Variants in FAF1 observed in about 807,000 individuals in gnomAD.
FAF1 encodes the protein FAS-associated factor 1.
In FAF1, 25 loss-of-function variants were observed where a neutral mutation model predicts 92.5. The ratio of observed to expected loss-of-function variants is 0.27; its 90% CI spans 0.20 to 0.38. The LOEUF (loss-of-function observed/expected upper bound fraction) is 0.38. Among genes scored for constraint, FAF1 ranks in the 10% least tolerant of loss-of-function variants. The pLI is 1.00. For missense variants in FAF1, 636 were observed against 793.3 expected (o/e 0.80, Z 2.38); for synonymous variants, 234 against 273.2 (o/e 0.86, Z 1.42).
intron 8 of FAF1, among the ~76,000 whole-genome samples, chr1:50,654,971 CTT>C (rs569202434): frequency 1.9e-4 from 26 of 137,776 alleles, no homozygotes; most frequent in Non-Finnish European, 2.1e-4. Context: ...TTAGATATTT[CTT>C]TTTTTTTTTT....
chr1:50,522,560 A>G (rs1647557432), intron 15 of FAF1, among the ~76,000 whole-genome samples: 1 of 152,186 alleles, frequency 6.6e-6, no homozygotes, highest in South Asian at 2.1e-4. Flanking sequence ...GGAATTTAAT[A>G]CAGAGTAACA....
chr1:50,746,058 T>G (rs949258387), intron 4 of FAF1, among the ~76,000 whole-genome samples: 3 of 151,516 alleles, frequency 2.0e-5, no homozygotes, highest in Non-Finnish European at 2.9e-5. Context: ...TCACTTTTGT[T>G]ATGTGTTAGC....
intron 6 of FAF1, among the ~76,000 whole-genome samples, chr1:50,726,826 C>T (rs573423317): frequency 2.6e-5 from 4 of 152,166 alleles, no homozygotes; most frequent in African/African-American, 9.6e-5. Flanking sequence ...GAGACTCTGT[C>T]TCAAAAAAGA....
intron 15 of FAF1, 95 bp downstream of exon 15, chr1:50,535,274 T>G (rs946251200): frequency 2.4e-5 from 19 of 799,340 alleles, no homozygotes; most frequent in Non-Finnish European, 3.5e-5. Flanking sequence ...TCATCCTTAT[T>G]TATCGATCAT....
chr1:50,844,552 T>C (rs1644282093), intron 2 of FAF1, among the ~76,000 whole-genome samples: 1 of 150,878 alleles, frequency 6.6e-6, no homozygotes, highest in Non-Finnish European at 1.5e-5. Context: ...ATATCTAGTA[T>C]ACCGGAATCT....
At chr1:50,784,264 T>C (rs1413915175) in intron 4 of FAF1, among the ~76,000 whole-genome samples, 2 of 152,058 alleles carry the variant, frequency 1.3e-5, no homozygotes, top group South Asian at 2.1e-4. Flanking sequence ...GACAACATGA[T>C]ATTATATGTA....
intron 12 of FAF1, among the ~76,000 whole-genome samples, chr1:50,574,264 G>A (rs1005208577): frequency 5.3e-5 from 8 of 152,216 alleles, no homozygotes; most frequent in African/African-American, 1.9e-4. Context: ...GCCACCATGT[G>A]GCAAAAGTTT....
At chr1:50,725,825 T>G (rs1658625431) in intron 6 of FAF1, among the ~76,000 whole-genome samples, 1 of 152,178 alleles carries the variant, frequency 6.6e-6, no homozygotes, top group African/African-American at 2.4e-5. Context: ...TACCCTGAAT[T>G]TACTCCTGCT....
intron 8 of FAF1, among the ~76,000 whole-genome samples, chr1:50,653,054 T>C (rs1409532581): frequency 3.9e-5 from 6 of 152,188 alleles, no homozygotes; most frequent in Non-Finnish European, 8.8e-5. Context: ...AACATTTCTG[T>C]TTTCTTCATG....
At chr1:50,523,956 AG>A (rs1647647211) in intron 15 of FAF1, among the ~76,000 whole-genome samples, 1 of 152,208 alleles carries the variant, frequency 6.6e-6, no homozygotes, top group Non-Finnish European at 1.5e-5. Context: ...TAGGTCTCTG[AG>A]GAATTGCCAC....
intron 1 of FAF1, among the ~76,000 whole-genome samples, chr1:50,884,000 C>G (rs1644636256): frequency 6.6e-6 from 1 of 152,060 alleles, no homozygotes; most frequent in South Asian, 2.1e-4. Flanking sequence ...TGGTGCACAC[C>G]TCTAATCCCA....
chr1:50,510,814 G>A (rs1647125542), intron 15 of FAF1, among the ~76,000 whole-genome samples: 1 of 152,028 alleles, frequency 6.6e-6, no homozygotes, highest in Non-Finnish European at 1.5e-5. Context: ...ATACTAGTCA[G>A]AATAGAGATT....
At chr1:50,886,674 C>G (rs1051942323) in intron 1 of FAF1, among the ~76,000 whole-genome samples, 1 of 152,100 alleles carries the variant, frequency 6.6e-6, no homozygotes, top group African/African-American at 2.4e-5. Flanking sequence ...TGATGGTTTC[C>G]AGCTTCATCC....
intron 15 of FAF1, among the ~76,000 whole-genome samples, chr1:50,510,335 T>C (rs1647118284): frequency 6.6e-6 from 1 of 152,100 alleles, no homozygotes; most frequent in African/African-American, 2.4e-5. Context: ...AATAACTAGA[T>C]GTGTGACTTT....
chr1:50,558,186 G>A (rs1033493689), intron 13 of FAF1, among the ~76,000 whole-genome samples: 5 of 151,544 alleles, frequency 3.3e-5, no homozygotes, highest in East Asian at 3.9e-4. Flanking sequence ...GGTGTGAGCC[G>A]CCGCATCCAG....
chr1:50,665,024 A>G (rs1655561667), intron 7 of FAF1, among the ~76,000 whole-genome samples: 1 of 152,266 alleles, frequency 6.6e-6, no homozygotes, highest in Non-Finnish European at 1.5e-5. Context: ...TACAGCCTGC[A>G]ATAAATAAAA....
intron 2 of FAF1, among the ~76,000 whole-genome samples, chr1:50,813,293 T>G (rs1177257021): frequency 6.6e-6 from 1 of 152,136 alleles, no homozygotes; most frequent in Non-Finnish European, 1.5e-5. Flanking sequence ...TATACATACT[T>G]ATTGCAGAAG....
chr1:50,860,175 C>T (rs1037521328), intron 1 of FAF1, among the ~76,000 whole-genome samples: 9 of 151,790 alleles, frequency 5.9e-5, no homozygotes, highest in Non-Finnish European at 1.3e-4. Flanking sequence ...TAAGAAATGC[C>T]ATTCTGGACA....
At chr1:50,771,344 A>G (rs1569920469) in intron 4 of FAF1, among the ~76,000 whole-genome samples, 1 of 152,344 alleles carries the variant, frequency 6.6e-6, no homozygotes, top group Middle Eastern at 3.4e-3. Flanking sequence ...AATATTTGCA[A>G]CCTACAGAAT....
Sources: gnomAD v4.1 joint callset for allele counts (sites outside exome capture counted in the v4.1 genomes callset) on GRCh38, gnomAD v4.1.1 for gene constraint, MANE v1.5 for transcripts, NCBI Gene and HGNC (gene_info 2026-07-23, HGNC 2026-07-21) for gene names.